The following PREX1 variants were observed in gnomAD, a reference collection of about 807,000 sequenced individuals.
PREX1 encodes phosphatidylinositol-3,4,5-trisphosphate dependent Rac exchange factor 1, also known as phosphatidylinositol 3,4,5-trisphosphate-dependent Rac exchanger 1 protein.
A neutral mutation model predicts 198.3 loss-of-function variants in PREX1; 41 were observed. The ratio of observed to expected loss-of-function variants is 0.21; its 90% CI spans 0.16 to 0.27. The LOEUF is 0.27. Among genes scored for constraint, PREX1 ranks in the 10% least tolerant of loss-of-function variants. PREX1 has a pLI of 1.00. For missense variants in PREX1, 1,620 were observed against 2,200.7 expected (o/e 0.74, Z 5.28); for synonymous variants, 843 against 887.2 (o/e 0.95, Z 0.89).
rs1799033958 is a variant in PREX1 at position 48,655,507 on chromosome 20, A to G, written c.2124-132T>C. On this transcript the variant is annotated intron_variant, in intron 18 of 39. Transcript: ENST00000371941. ...AAATTCAGCCCAAAATAGTAGTAGCACCACCAGGCTTTCCAGCTCCCAAAT... is the reference window on the plus strand; with the variant it reads ...AAATTCAGCCCAAAATAGTAGTAGCGCCACCAGGCTTTCCAGCTCCCAAAT... 4.3e-6 allele frequency: 3 copies of G among 693,158 alleles called. No homozygotes were observed. In the Admixed American group the frequency reaches 1.1e-4, roughly 27 times the overall value. 42.9% of individuals were successfully genotyped at this position (693,158 alleles called of 1,614,324 possible). A position where few individuals can be genotyped will look rare whatever the true frequency, so the allele number is the denominator to read the frequency against.
At position 48,759,019 on chromosome 20, in the gene PREX1, T is replaced by C. The variant is rs2122830494; in HGVS notation, c.220-11139A>G. Reference sequence around the variant, plus strand: ...TGCCCCAACTCTCAGAAGCCCTCCCTACCCTTAGAAACTCTCTCTACTCCT... The same window carrying C: ...TGCCCCAACTCTCAGAAGCCCTCCCCACCCTTAGAAACTCTCTCTACTCCT... On this transcript the variant is annotated intron_variant, in intron 1 of 39. Transcript: ENST00000371941. 1.3e-5 allele frequency among the ~76,000 whole-genome samples: 2 copies of C among 152,192 alleles called. 1 individual carries two copies. Among genetic ancestry groups the C allele is most frequent in the South Asian group, 4.1e-4 (2 of 4,822 alleles).
chr20:48,649,410 G>A lies in PREX1; in HGVS notation c.3195C>T (p.Ser1065=), dbSNP rs1294390528. ...GTLGQEDRGL[S]FLLKQEDREI... ...CACGGTCCTCCTGCTTGAGTAGGAA[G>A]CTGAGGCCCCGGTCTTCCTGACCAA... The change falls in exon 25 of 40, where the codon AGC becomes AGT. Residue 1065 remains serine (S), a synonymous_variant. Coordinates refer to ENST00000371941, the MANE Select transcript of PREX1 (RefSeq NM_020820.4). The A allele has an allele frequency of 1.9e-6, 3 of 1,614,196 alleles. No homozygotes were observed. Among genetic ancestry groups the A allele is most frequent in the South Asian group, 2.2e-5 (2 of 91,086 alleles).
chr20:48,771,235 C>T (rs1322820360), intron 1 of PREX1, among the ~76,000 whole-genome samples: 6 of 151,184 alleles, frequency 4.0e-5, no homozygotes, highest in Admixed American at 1.3e-4. Flanking sequence ...GGCTCATGTC[C>T]CTAACCATTT....
At chr20:48,786,371 A>G (rs1481271383) in intron 1 of PREX1, among the ~76,000 whole-genome samples, 1 of 152,192 alleles carries the variant, frequency 6.6e-6, no homozygotes, top group Non-Finnish European at 1.5e-5. Flanking sequence ...GGCCCAAGAC[A>G]TGACCAACAA....
chr20:48,625,348 C>G lies in PREX1; in HGVS notation c.*537G>C, dbSNP rs915839102. ...CTCTCGGGGATCCTCTGGTAACAGGCGTGATGGAGGCCCCGTCTCTCCTTT... is the reference window on the plus strand; with the variant it reads ...CTCTCGGGGATCCTCTGGTAACAGGGGTGATGGAGGCCCCGTCTCTCCTTT... On this transcript the variant is annotated 3_prime_UTR_variant, in exon 40 of 40. Transcript: ENST00000371941. 2 of 152,024 alleles carry G rather than the reference C, an allele frequency of 1.3e-5. No individual in the cohort carries two copies. The highest frequency in any genetic ancestry group is 4.8e-5 in the African/African-American group (2 of 41,242). The allele number at this position is 152,024 out of a possible 1,614,324, so 9.4% of individuals were successfully genotyped here.
intron 4 of PREX1, among the ~76,000 whole-genome samples, chr20:48,728,035 C>A (rs56216883): frequency 0.13 from 19,820 of 152,118 alleles, 1,265 homozygotes; most frequent in African/African-American, 0.16. Context: ...ATGAAGGAAC[C>A]ACCCACCAGC....
At position 48,627,795 on chromosome 20, in the gene PREX1, C is replaced by T. The variant is rs566848476; in HGVS notation, c.4869+66G>A. On this transcript the variant is annotated intron_variant, in intron 38 of 39. Transcript: ENST00000371941. ...GTGGCTACCAGCCCCTCATCCCACC[C>T]TGGCTGCAAGCATGCCACGCCCTCA... The T allele has an allele frequency of 6.0e-6, 9 of 1,501,056 alleles. No homozygotes were observed. The East Asian group carries it at 2.1e-4, about 35-fold the overall frequency. The allele number at this position is 1,501,056 out of a possible 1,614,324, so 93.0% of individuals were successfully genotyped here.
intron 1 of PREX1, among the ~76,000 whole-genome samples, chr20:48,754,946 C>G (rs1270634903): frequency 6.6e-6 from 1 of 152,144 alleles, no homozygotes; most frequent in Non-Finnish European, 1.5e-5. Context: ...CCCAATGACC[C>G]CTTCAAATGC....
intron 14 of PREX1, among the ~76,000 whole-genome samples, chr20:48,673,188 C>T (rs1187037367): frequency 6.6e-6 from 1 of 152,222 alleles, no homozygotes; most frequent in Non-Finnish European, 1.5e-5. Flanking sequence ...TCTCCCCTGC[C>T]CATCCGCTGG....
chr20:48,804,558 C>T lies in PREX1; in HGVS notation c.219+23084G>A, dbSNP rs148182094. The stretch of plus-strand genomic sequence containing the variant: ...AGTCAGAAGACCACAGACTACAGGG[C>T]GTTGGGATTTCCTCTGGGTGAGGTG... On this transcript the variant is annotated intron_variant, in intron 1 of 39. Coordinates refer to ENST00000371941, the MANE Select transcript of PREX1 (RefSeq NM_020820.4). Among the ~76,000 whole-genome samples, 212 of 152,242 alleles carry T rather than the reference C, an allele frequency of 1.4e-3. 1 individual carries two copies. Among genetic ancestry groups the T allele is most frequent in the African/African-American group, 4.7e-3 (196 of 41,532 alleles).
chr20:48,649,852 G>T, intron 24 of PREX1, 144 bp downstream of exon 24: 1 of 1,019,166 alleles, frequency 9.8e-7, no homozygotes, highest in Non-Finnish European at 1.5e-6. Flanking sequence ...ATCTAGAGAT[G>T]CTGTCCCATA....
intron 29 of PREX1, 82 bp downstream of exon 29, chr20:48,642,086 C>G: frequency 7.0e-7 from 1 of 1,420,244 alleles, no homozygotes; most frequent in Non-Finnish European, 9.9e-7. Context: ...GAGGGCAGAG[C>G]TGAGCATTAG....
intron 26 of PREX1, among the ~76,000 whole-genome samples, chr20:48,645,266 G>A (rs1194007632): frequency 2.6e-5 from 4 of 152,176 alleles, no homozygotes; most frequent in Admixed American, 2.0e-4. Flanking sequence ...TAACCACCAT[G>A]GGCAAATGTG....
intron 33 of PREX1, 38 bp downstream of exon 33, chr20:48,634,638 C>T (rs1328634628): frequency 6.2e-7 from 1 of 1,601,552 alleles, no homozygotes; most frequent in African/African-American, 1.3e-5. Context: ...ACCCCAGGAC[C>T]CCACCTCTCA....
chr20:48,828,326 C>T (rs538816994), upstream of PREX1, among the ~76,000 whole-genome samples: 2 of 151,996 alleles, frequency 1.3e-5, no homozygotes, highest in Non-Finnish European at 2.9e-5. Context: ...TGGCGCCCCC[C>T]CAACCCGCAG....
chr20:48,658,295 G>A, intron 16 of PREX1, 67 bp from the exon 17 acceptor site: 4 of 1,509,420 alleles, frequency 2.7e-6, no homozygotes, highest in South Asian at 1.2e-5. Context: ...CCCCACCGTG[G>A]CCCCCACAGG....
chr20:48,664,706 A>ACT (rs2089622745), intron 15 of PREX1, among the ~76,000 whole-genome samples: 1 of 152,266 alleles, frequency 6.6e-6, no homozygotes, highest in Admixed American at 6.5e-5. Context: ...GCAGCCTCTA[A>ACT]ACCCGCACGA....
intron 1 of PREX1, among the ~76,000 whole-genome samples, chr20:48,806,105 C>G (rs1355309943): frequency 6.6e-6 from 1 of 152,154 alleles, no homozygotes; most frequent in African/African-American, 2.4e-5. Flanking sequence ...ATGACAGTAG[C>G]AGGTAGAGTC....
intron 2 of PREX1, 141 bp downstream of exon 2, chr20:48,747,668 G>T: frequency 1.1e-6 from 1 of 891,794 alleles, no homozygotes; most frequent in South Asian, 1.6e-5. Context: ...GAGCAAGCTG[G>T]GGCAGGGCAA....
Sources: allele counts gnomAD v4.1 joint callset (sites outside exome capture counted in the v4.1 genomes callset), GRCh38; gene constraint gnomAD v4.1.1; transcripts MANE v1.5; gene names NCBI Gene and HGNC (gene_info 2026-07-23, HGNC 2026-07-21).